Variants in ASIC2 observed in about 807,000 individuals in gnomAD.
ASIC2 encodes the protein acid-sensing ion channel 2.
A neutral mutation model predicts 57.3 loss-of-function variants in ASIC2; 25 were observed. The ratio of observed to expected loss-of-function variants is 0.44; its 90% CI spans 0.32 to 0.61. The LOEUF (loss-of-function observed/expected upper bound fraction) is 0.61. Among genes scored for constraint, ASIC2 ranks in the 20% least tolerant of loss-of-function variants. The pLI, the probability that ASIC2 is intolerant of heterozygous loss-of-function variation, is 0.06. For missense variants in ASIC2, 641 were observed against 738.1 expected, an observed-to-expected ratio of 0.87 and a Z score of 1.52; for synonymous variants, 319 against 307.5, an observed-to-expected ratio of 1.04 and a Z score of -0.39.
At chr17:33,491,267 G>A (rs757660039) in intron 1 of ASIC2, among the ~76,000 whole-genome samples, 17 of 152,162 alleles carry the variant, frequency 1.1e-4, no homozygotes, top group South Asian at 2.1e-4. Flanking sequence ...CAATGGGGAA[G>A]GGAGGGATGC....
intron 1 of ASIC2, among the ~76,000 whole-genome samples, chr17:33,349,220 T>C (rs909398763): frequency 6.6e-6 from 1 of 152,202 alleles, no homozygotes; most frequent in Admixed American, 6.5e-5. Context: ...ATCTGGATTT[T>C]TATGTAAAAT....
intron 1 of ASIC2, among the ~76,000 whole-genome samples, chr17:33,832,997 A>T (rs1373074109): frequency 6.6e-6 from 1 of 152,236 alleles, no homozygotes; most frequent in African/African-American, 2.4e-5. Context: ...AACAAGATAT[A>T]TGTGTAACAA....
chr17:33,865,683 G>T (rs1914213438), intron 1 of ASIC2, among the ~76,000 whole-genome samples: 1 of 148,806 alleles, frequency 6.7e-6, no homozygotes, highest in African/African-American at 2.5e-5. Flanking sequence ...CACCAGCATG[G>T]CACATGTATA....
chr17:33,845,474 T>C lies in ASIC2; in HGVS notation c.555+310504A>G, dbSNP rs150899972. Among the ~76,000 whole-genome samples the C allele has an allele frequency of 7.1e-4, 108 of 152,222 alleles. 1 individual carries two copies. In the East Asian group the frequency reaches 0.019, roughly 26 times the overall value. ...GCAGCCTTGAATGAAAGAGATAATA[T>C]GGTATAGTGGGAAGAACATACATTT... is the stretch of plus-strand genomic sequence containing the variant. On this transcript the variant is annotated intron_variant, in intron 1 of 9. Coordinates refer to the ASIC2 transcript ENST00000359872.
intron 1 of ASIC2, among the ~76,000 whole-genome samples, chr17:33,257,250 C>T (rs1017788640): frequency 1.3e-5 from 2 of 152,226 alleles, no homozygotes; most frequent in Admixed American, 1.3e-4. Flanking sequence ...GCCTCACTGA[C>T]CAGGTGCCCT....
intron 1 of ASIC2, among the ~76,000 whole-genome samples, chr17:33,791,302 T>C (rs1210827707): frequency 6.6e-6 from 1 of 152,182 alleles, no homozygotes; most frequent in Non-Finnish European, 1.5e-5. Flanking sequence ...GATCGGCTAG[T>C]TCATCTGCCA....
At chr17:33,659,609 G>A (rs1443639537) in intron 1 of ASIC2, among the ~76,000 whole-genome samples, 1 of 152,096 alleles carries the variant, frequency 6.6e-6, no homozygotes, top group African/African-American at 2.4e-5. Context: ...GGTGGCTCAC[G>A]CCTGTAATCC....
intron 1 of ASIC2, among the ~76,000 whole-genome samples, chr17:33,867,962 T>C (rs894449993): frequency 1.3e-5 from 2 of 152,212 alleles, no homozygotes; most frequent in Non-Finnish European, 2.9e-5. Context: ...TGCATGCAAG[T>C]GGCAAAATTC....
At chr17:33,557,306 T>C (rs1198940922) in intron 1 of ASIC2, among the ~76,000 whole-genome samples, 1 of 152,210 alleles carries the variant, frequency 6.6e-6, no homozygotes, top group Non-Finnish European at 1.5e-5. Context: ...TCAGAAATTG[T>C]TTCCTAGTCA....
intron 3 of ASIC2, among the ~76,000 whole-genome samples, chr17:33,053,526 C>G (rs2091985849): frequency 6.6e-6 from 1 of 152,204 alleles, no homozygotes; most frequent in African/African-American, 2.4e-5. Context: ...AGCATCCCTT[C>G]TTCTCTAAGT....
chr17:33,033,229 C>T (rs943267154), intron 3 of ASIC2, among the ~76,000 whole-genome samples: 2 of 152,232 alleles, frequency 1.3e-5, no homozygotes, highest in Admixed American at 6.5e-5. Flanking sequence ...ACTGCACCCA[C>T]AGCTGCAGAC....
chr17:34,022,436 A>C (rs1907201144), intron 1 of ASIC2, among the ~76,000 whole-genome samples: 1 of 152,102 alleles, frequency 6.6e-6, no homozygotes, highest in African/African-American at 2.4e-5. Context: ...ACCTTTACTT[A>C]TCCTACATAA....
chr17:33,848,481 G>A (rs1275067788), intron 1 of ASIC2, among the ~76,000 whole-genome samples: 1 of 152,172 alleles, frequency 6.6e-6, no homozygotes, highest in Non-Finnish European at 1.5e-5. Flanking sequence ...GACAGGCACT[G>A]AGCTGCTGGT....
chr17:33,487,774 C>G (rs1913622523), intron 1 of ASIC2, among the ~76,000 whole-genome samples: 1 of 152,176 alleles, frequency 6.6e-6, no homozygotes, highest in Admixed American at 6.5e-5. Flanking sequence ...AGTCTTCCAG[C>G]CTTCATCTTT....
At position 33,531,325 on chromosome 17, in the gene ASIC2, G is replaced by A. The variant is rs535597639; in HGVS notation, c.556-419258C>T. Reference sequence around the variant, plus strand: ...CAGGGGGCAGGGGGCAGTGGGTGGGGGTTACACCAAATCTGAGCTGCCTTT... The same window carrying A: ...CAGGGGGCAGGGGGCAGTGGGTGGGAGTTACACCAAATCTGAGCTGCCTTT... On this transcript the variant is annotated intron_variant, in intron 1 of 9. Coordinates refer to the ASIC2 transcript ENST00000359872. Among the ~76,000 whole-genome samples, 633 of 152,154 alleles carry A rather than the reference G, an allele frequency of 4.2e-3. 3 individuals carry two copies. The highest frequency in any genetic ancestry group is 0.015 in the African/African-American group (603 of 41,494).
chr17:33,907,062 C>T (rs1488517651), intron 1 of ASIC2, among the ~76,000 whole-genome samples: 1 of 152,032 alleles, frequency 6.6e-6, no homozygotes, highest in African/African-American at 2.4e-5. Context: ...ATAGAGAGCT[C>T]AGGTAAATCC....
At chr17:34,115,170 C>T (rs1435209865) in intron 1 of ASIC2, among the ~76,000 whole-genome samples, 1 of 152,222 alleles carries the variant, frequency 6.6e-6, no homozygotes, top group African/African-American at 2.4e-5. Flanking sequence ...CCATTGCACA[C>T]CGACTATCCA....
At chr17:33,512,277 A>T (rs911483052) in intron 1 of ASIC2, among the ~76,000 whole-genome samples, 19 of 152,252 alleles carry the variant, frequency 1.2e-4, no homozygotes, top group African/African-American at 4.6e-4. Flanking sequence ...AGTCACCTCC[A>T]GAGGCTAGAG....
intron 1 of ASIC2, among the ~76,000 whole-genome samples, chr17:33,464,687 CTATATA>C (rs3057641): frequency 1.8e-4 from 24 of 132,614 alleles, no homozygotes; most frequent in South Asian, 2.6e-4. Context: ...CTCTCTCTCT[CTATATA>C]TATATATATA....
Sources: allele counts gnomAD v4.1 joint callset (sites outside exome capture counted in the v4.1 genomes callset), GRCh38; gene constraint gnomAD v4.1.1; transcripts MANE v1.5; gene names NCBI Gene and HGNC (gene_info 2026-07-23, HGNC 2026-07-21).